The following ACMSD variants were observed in gnomAD, a reference collection of about 807,000 sequenced individuals.
The protein encoded by ACMSD is 2-amino-3-carboxymuconate-6-semialdehyde decarboxylase.
Under a neutral mutation model 45.9 loss-of-function variants are expected in ACMSD, and 37 were observed. The ratio of observed to expected loss-of-function variants is 0.81; its 90% CI spans 0.62 to 1.06. The LOEUF (loss-of-function observed/expected upper bound fraction) is 1.06, where lower values mean the gene tolerates loss of function less well. Ranked by LOEUF, ACMSD falls within the 50% of genes least tolerant of loss-of-function variation. The pLI is 0.00. For missense variants in ACMSD, 434 were observed against 420.9 expected (o/e 1.03, Z -0.27); for synonymous variants, 138 against 148.8 (o/e 0.93, Z 0.53).
intron 5 of ACMSD, among the ~76,000 whole-genome samples, chr2:134,866,674 A>G (rs1688112932): frequency 6.6e-6 from 1 of 152,154 alleles, no homozygotes; most frequent in African/African-American, 2.4e-5. Context: ...AGGATGAATC[A>G]CTCCAGAACC....
At chr2:134,858,425 G>A (rs1413601541) in intron 2 of ACMSD, among the ~76,000 whole-genome samples, 1 of 151,912 alleles carries the variant, frequency 6.6e-6, no homozygotes, top group Admixed American at 6.6e-5. Context: ...TAGACAGGAG[G>A]AATAAGTTCA....
chr2:134,859,320 G>A lies in ACMSD; in HGVS notation c.162G>A (p.Trp54Ter). 1 of 1,614,030 alleles carries A rather than the reference G, an allele frequency of 6.2e-7. No homozygotes were observed. The highest frequency in any genetic ancestry group is 8.5e-7 in the Non-Finnish European group (1 of 1,179,976). Residue 54 changes from tryptophan to a stop codon, truncating the protein, a stop_gained, in exon 3 of 10, where the codon TGG becomes TGA. Transcript: ENST00000356140. LOFTEE classifies it high-confidence loss of function. ...TCAGAGTGGTGCGAGAGAATTGCTGGGATCCAGAAGTTCGTATTAGAGAAA... is the reference window on the plus strand; with the variant it reads ...TCAGAGTGGTGCGAGAGAATTGCTGAGATCCAGAAGTTCGTATTAGAGAAA... ...KVFRVVRENC[W>*]DPEVRIREMD... is the part of the protein sequence containing the mutation.
Position 134,863,533 on chromosome 2 carries a change from G to A in ACMSD, c.388G>A (p.Glu130Lys). Residue 130 changes from glutamate to lysine, a missense_variant, in exon 5 of 10, where the codon GAG (glutamate) becomes AAG (lysine). Coordinates refer to ENST00000356140, the MANE Select transcript of ACMSD (RefSeq NM_138326.3). The stretch of plus-strand genomic sequence containing the variant: ...CCCTGAGCTGGCGGTCAAGGAGATG[G>A]AGCGCTGTGTGAAAGAGCTGGGCTT... ...QAPELAVKEM[E>K]RCVKELGFPG... 6.2e-7 allele frequency: 1 copy of A among 1,614,224 alleles called. No homozygotes were observed.
chr2:134,894,648 C>A (rs547398945), intron 8 of ACMSD, among the ~76,000 whole-genome samples: 39 of 152,186 alleles, frequency 2.6e-4, no homozygotes, highest in African/African-American at 8.7e-4. Context: ...TCATGAAAAA[C>A]CCACAACTAA....
intron 8 of ACMSD, among the ~76,000 whole-genome samples, chr2:134,893,620 G>C (rs951609651): frequency 1.3e-5 from 2 of 152,102 alleles, no homozygotes; most frequent in Non-Finnish European, 2.9e-5. Context: ...TGATTCCTAT[G>C]ATTCTATCCT....
intron 2 of ACMSD, among the ~76,000 whole-genome samples, chr2:134,856,827 A>G (rs1168458632): frequency 6.6e-6 from 1 of 151,930 alleles, no homozygotes; most frequent in Non-Finnish European, 1.5e-5. Context: ...AAAGGTTTTT[A>G]GTTCCTCCAG....
At chr2:134,863,149 C>T in intron 4 of ACMSD, 1 of 772,418 alleles carries the variant, frequency 1.3e-6, no homozygotes, top group Non-Finnish European at 1.6e-6. Flanking sequence ...GTGTTCTTCC[C>T]TTCTGATTCT....
At chr2:134,859,179 A>T in intron 2 of ACMSD, 82 bp from the exon 3 acceptor site, 1 of 1,107,182 alleles carries the variant, frequency 9.0e-7, no homozygotes, top group Non-Finnish European at 1.3e-6. Context: ...ATTAGGGAAG[A>T]AATACGTTCT....
chr2:134,875,348 T>C (rs1475841619), intron 8 of ACMSD, among the ~76,000 whole-genome samples: 2 of 152,214 alleles, frequency 1.3e-5, no homozygotes, highest in African/African-American at 4.8e-5. Context: ...TTAGTAATAT[T>C]TGATTGTTTA....
At chr2:134,886,308 G>A (rs1237753102) in intron 8 of ACMSD, among the ~76,000 whole-genome samples, 1 of 146,896 alleles carries the variant, frequency 6.8e-6, no homozygotes, top group South Asian at 2.1e-4. Context: ...ACGTGCAGTG[G>A]CGCCATCTTG....
intron 1 of ACMSD, among the ~76,000 whole-genome samples, chr2:134,844,656 A>G (rs943143905): frequency 6.6e-6 from 1 of 152,210 alleles, no homozygotes; most frequent in Non-Finnish European, 1.5e-5. Context: ...TGATCAAAGC[A>G]GGTTCCAGGA....
chr2:134,853,875 T>C (rs1487678759), intron 2 of ACMSD, among the ~76,000 whole-genome samples: 1 of 152,212 alleles, frequency 6.6e-6, no homozygotes, highest in African/African-American at 2.4e-5. Flanking sequence ...TCCTGCCATG[T>C]AATGAGAGGC....
intron 1 of ACMSD, among the ~76,000 whole-genome samples, chr2:134,844,208 G>A (rs1020924628): frequency 6.6e-6 from 1 of 152,146 alleles, no homozygotes; most frequent in Admixed American, 6.5e-5. Context: ...ATGATCCCCA[G>A]GCGGAAATCT....
intron 1 of ACMSD, among the ~76,000 whole-genome samples, chr2:134,839,445 A>C (rs1219483587): frequency 2.6e-5 from 4 of 152,196 alleles, no homozygotes; most frequent in Non-Finnish European, 5.9e-5. Context: ...AAGGTGAGGA[A>C]CATGAAAGAA....
intron 8 of ACMSD, among the ~76,000 whole-genome samples, chr2:134,891,544 A>G (rs1390995021): frequency 6.6e-6 from 1 of 152,172 alleles, no homozygotes; most frequent in Non-Finnish European, 1.5e-5. Context: ...AGATATCATC[A>G]CATGCCAATC....
At chr2:134,859,127 G>A (rs115858143) in intron 2 of ACMSD, 134 bp from the exon 3 acceptor site, 1 of 748,150 alleles carries the variant, frequency 1.3e-6, no homozygotes, top group Non-Finnish European at 2.2e-6. Context: ...TTAAATTACT[G>A]ATTTCTACTT....
intron 6 of ACMSD, among the ~76,000 whole-genome samples, chr2:134,869,548 G>A (rs531210280): frequency 2.4e-3 from 366 of 152,138 alleles, no homozygotes; most frequent in African/African-American, 8.3e-3. Flanking sequence ...GAGAGCATCT[G>A]CATATAGAGT....
At chr2:134,885,341 T>G (rs1189171179) in intron 8 of ACMSD, among the ~76,000 whole-genome samples, 2 of 102,484 alleles carry the variant, frequency 2.0e-5, no homozygotes, top group African/African-American at 4.1e-5. Flanking sequence ...AAATATATAT[T>G]TATATATAAT....
chr2:134,863,315 T>G, intron 4 of ACMSD, 80 bp from the exon 5 acceptor site: 1 of 1,311,786 alleles, frequency 7.6e-7, no homozygotes, highest in Non-Finnish European at 1.1e-6. Context: ...ATTATAGCCA[T>G]GAGGAGGCAC....
Sources: gnomAD v4.1 joint callset for allele counts (sites outside exome capture counted in the v4.1 genomes callset) on GRCh38, gnomAD v4.1.1 for gene constraint, MANE v1.5 for transcripts, NCBI Gene and HGNC (gene_info 2026-07-23, HGNC 2026-07-21) for gene names.